JADE3: variants seen among roughly 807,000 people sequenced by gnomAD.
The protein encoded by JADE3 is protein Jade-3.
Under a neutral mutation model 50.1 loss-of-function variants are expected in JADE3, and 2 were observed. That is an observed-to-expected ratio of 0.04 (90% CI 0.02 to 0.13). The LOEUF (loss-of-function observed/expected upper bound fraction) is 0.13. Ranked by LOEUF, JADE3 falls within the 10% of genes least tolerant of loss-of-function variation. The pLI is 1.00. For synonymous variants in JADE3, 218 were observed against 232.9 expected (o/e 0.94, Z 0.58); for missense variants, 475 against 634.4 (o/e 0.75, Z 2.70).
chrX:47,057,641 A>G, intron 10 of JADE3, among the ~76,000 whole-genome samples: 1 of 111,621 alleles, frequency 9.0e-6, no homozygotes, highest in Non-Finnish European at 1.9e-5. Context: ...CTCTAATGCC[A>G]AGTTCAAACA....
chrX:47,027,595 G>T (rs1411609915), intron 5 of JADE3, among the ~76,000 whole-genome samples: 1 of 112,141 alleles, frequency 8.9e-6, no homozygotes, highest in Non-Finnish European at 1.9e-5. Flanking sequence ...AAAATATAGA[G>T]ATTTAAGAGG....
At chrX:47,003,627 A>G (rs1271323022) in intron 4 of JADE3, among the ~76,000 whole-genome samples, 1 of 101,277 alleles carries the variant, frequency 9.9e-6, no homozygotes, top group Non-Finnish European at 2.0e-5. Flanking sequence ...ATAAATTTAT[A>G]TATTTATATA....
intron 1 of JADE3, among the ~76,000 whole-genome samples, chrX:46,959,056 G>C (rs1267921934): frequency 1.1e-4 from 12 of 112,090 alleles, no homozygotes; most frequent in Non-Finnish European, 1.1e-4. Context: ...CCTAATTCCA[G>C]TTACTATTTT....
chrX:46,984,473 A>G (rs782749384), intron 1 of JADE3, among the ~76,000 whole-genome samples: 3 of 108,796 alleles, frequency 2.8e-5, no homozygotes, highest in South Asian at 8.3e-4. Context: ...ACTATGTCTC[A>G]TGCTTTTCAA....
intron 4 of JADE3, among the ~76,000 whole-genome samples, chrX:47,023,358 A>G (rs1447798557): frequency 1.8e-5 from 2 of 111,360 alleles, no homozygotes; most frequent in Non-Finnish European, 3.8e-5. Context: ...AAGTGAGAAC[A>G]TGCAGGTTTT....
intron 4 of JADE3, among the ~76,000 whole-genome samples, chrX:47,001,484 A>G (rs1423424304): frequency 1.8e-5 from 2 of 111,861 alleles, no homozygotes; most frequent in Admixed American, 9.5e-5. Context: ...TTGGCTTTCA[A>G]TATAAGCCAG....
chrX:47,019,983 A>G (rs998808252), intron 4 of JADE3, among the ~76,000 whole-genome samples: 3 of 112,252 alleles, frequency 2.7e-5, no homozygotes, highest in Non-Finnish European at 1.9e-5. Flanking sequence ...AAAATTGCTC[A>G]TGCTTCTGGG....
intron 1 of JADE3, among the ~76,000 whole-genome samples, chrX:46,931,967 G>A (rs1345447003): frequency 1.8e-5 from 2 of 111,849 alleles, no homozygotes; most frequent in Non-Finnish European, 3.8e-5. Flanking sequence ...AAGATAGCTG[G>A]ATCTGATCTG....
rs1929733273 is a variant in JADE3, at chrX:47,060,136, C to T, written c.*1059C>T. 1.9e-5 allele frequency: 2 copies of T among 106,270 alleles called. No homozygotes were observed. The highest frequency in any genetic ancestry group is 6.9e-5 in the African/African-American group (2 of 29,124). 8.8% of individuals were successfully genotyped at this position (106,270 alleles called of 1,213,427 possible). A position where few individuals can be genotyped will look rare whatever the true frequency, so the allele number is the denominator to read the frequency against. Reference sequence around the variant, plus strand: ...CACCTTTGAATCTGAGGCAGTTTCCCAAACAAAAAGGCTGGAGCCATTTTT... The same window carrying T: ...CACCTTTGAATCTGAGGCAGTTTCCTAAACAAAAAGGCTGGAGCCATTTTT... On this transcript the variant is annotated 3_prime_UTR_variant, in exon 11 of 11. Coordinates refer to ENST00000614628, the MANE Select transcript of JADE3 (RefSeq NM_014735.5).
At chrX:46,922,152 A>G (rs1556337855) in intron 1 of JADE3, among the ~76,000 whole-genome samples, 2 of 107,442 alleles carry the variant, frequency 1.9e-5, no homozygotes, top group African/African-American at 6.8e-5. Flanking sequence ...TCTCCCACCC[A>G]TGAATGAGAA....
chrX:47,030,340 G>A (rs148645997), intron 6 of JADE3, among the ~76,000 whole-genome samples: 2,676 of 111,397 alleles, frequency 0.024, 100 homozygotes, highest in African/African-American at 0.084. Flanking sequence ...GAATATAAAT[G>A]ATACCCCTTT....
chrX:46,989,801 CT>C (rs1238712129), intron 3 of JADE3, among the ~76,000 whole-genome samples: 1 of 111,415 alleles, frequency 9.0e-6, no homozygotes, highest in Non-Finnish European at 1.9e-5. Flanking sequence ...ACTCCACCTT[CT>C]TTTTCCCCTC....
intron 1 of JADE3, among the ~76,000 whole-genome samples, chrX:46,933,043 A>G (rs1249774086): frequency 2.7e-5 from 3 of 112,276 alleles, no homozygotes; most frequent in Admixed American, 9.5e-5. Flanking sequence ...AGCTTTGGCA[A>G]AATATACTAT....
intron 4 of JADE3, among the ~76,000 whole-genome samples, chrX:47,006,405 TC>T (rs1324988281): frequency 9.2e-6 from 1 of 108,234 alleles, no homozygotes; most frequent in Non-Finnish European, 1.9e-5. Context: ...TGCCTCAGCC[TC>T]CTAAGTAGCT....
chrX:46,948,296 C>G (rs1926927415), intron 1 of JADE3, among the ~76,000 whole-genome samples: 1 of 112,211 alleles, frequency 8.9e-6, no homozygotes, highest in Non-Finnish European at 1.9e-5. Context: ...GAATGTCACT[C>G]CTGACCTACA....
chrX:46,974,849 C>G lies in JADE3; in HGVS notation c.-11-10035C>G, dbSNP rs930786569. The stretch of plus-strand genomic sequence containing the variant: ...ACTCTTCTTAATAGCTCATTGATTT[C>G]TGTTTCATCCCTTTAGAGCAAGATT... On this transcript the variant is annotated intron_variant, in intron 1 of 10. Coordinates refer to ENST00000614628, the MANE Select transcript of JADE3 (RefSeq NM_014735.5). Among the ~76,000 whole-genome samples the G allele has an allele frequency of 2.7e-5, 3 of 112,377 alleles. No homozygotes were observed. In the East Asian group the frequency reaches 8.3e-4, roughly 31 times the overall value.
At chrX:46,940,934 A>G in intron 1 of JADE3, among the ~76,000 whole-genome samples, 1 of 112,043 alleles carries the variant, frequency 8.9e-6, no homozygotes, top group East Asian at 2.8e-4. Context: ...TCATTTAAAA[A>G]TATAATTTCA....
chrX:46,937,488 TAG>T (rs1556341327), intron 1 of JADE3, among the ~76,000 whole-genome samples: 1 of 112,002 alleles, frequency 8.9e-6, no homozygotes, highest in African/African-American at 3.2e-5. Context: ...GTATATTAAT[TAG>T]AGTGTTGAAA....
intron 1 of JADE3, among the ~76,000 whole-genome samples, chrX:46,984,252 G>T (rs1260927059): frequency 8.9e-6 from 1 of 112,156 alleles, no homozygotes; most frequent in African/African-American, 3.2e-5. Flanking sequence ...TGAACCGTTG[G>T]AAGTTTTAGT....
Sources: gnomAD v4.1 joint callset for allele counts (sites outside exome capture counted in the v4.1 genomes callset) on GRCh38, gnomAD v4.1.1 for gene constraint, MANE v1.5 for transcripts, NCBI Gene and HGNC (gene_info 2026-07-23, HGNC 2026-07-21) for gene names.